Variants in MASP2 observed in about 807,000 individuals in gnomAD.
MASP2 encodes the protein MBL associated serine protease 2.
In MASP2, 49 loss-of-function variants were observed where a neutral mutation model predicts 57.1. The observed-to-expected ratio is 0.86, with a 90% CI of 0.68 to 1.09. MASP2 has a LOEUF of 1.09. Among genes scored for constraint, MASP2 ranks in the 50% least tolerant of loss-of-function variants. MASP2 has a pLI of 0.00. For missense variants in MASP2, 900 were observed against 874.8 expected, an observed-to-expected ratio of 1.03 and a Z score of -0.36; for synonymous variants, 379 against 340.8, an observed-to-expected ratio of 1.11 and a Z score of -1.24.
chr1:11,032,283 T>G (rs1643858953), intron 8 of MASP2, among the ~76,000 whole-genome samples: 1 of 152,118 alleles, frequency 6.6e-6, no homozygotes, highest in Admixed American at 6.5e-5. Flanking sequence ...CTCACACATG[T>G]GAATTGTGTG....
At chr1:11,039,330 GTGGATGGATGGA>G (rs57562185) in intron 6 of MASP2, among the ~76,000 whole-genome samples, 94,582 of 146,876 alleles carry the variant, frequency 0.64, 32,129 homozygotes, top group East Asian at 0.79. Flanking sequence ...TGGAAGGATG[GTGGATGGATGGA>G]TGGATGGATG....
intron 4 of MASP2, among the ~76,000 whole-genome samples, chr1:11,044,464 C>G (rs1364987923): frequency 6.6e-6 from 1 of 152,158 alleles, no homozygotes; most frequent in Non-Finnish European, 1.5e-5. Context: ...GTGGGAATCA[C>G]CCCTGGATTT....
At chr1:11,044,008 G>C (rs989212803) in intron 4 of MASP2, among the ~76,000 whole-genome samples, 3 of 152,090 alleles carry the variant, frequency 2.0e-5, no homozygotes, top group Non-Finnish European at 2.9e-5. Flanking sequence ...GCATCTCCTC[G>C]AGCCTAAGGG....
intron 8 of MASP2, among the ~76,000 whole-genome samples, chr1:11,032,272 G>T (rs1273020135): frequency 6.6e-6 from 1 of 152,078 alleles, no homozygotes; most frequent in Non-Finnish European, 1.5e-5. Flanking sequence ...GTGTATACTT[G>T]CTCACACATG....
intron 4 of MASP2, chr1:11,045,159 C>T: frequency 1.3e-6 from 1 of 753,804 alleles, no homozygotes; most frequent in Non-Finnish European, 2.3e-6. Flanking sequence ...GTTCCCAGAG[C>T]CCAGGTGGAA....
chr1:11,028,725 T>G (rs796184130), intron 10 of MASP2, among the ~76,000 whole-genome samples: 1,658 of 150,246 alleles, frequency 0.011, 52 homozygotes, highest in African/African-American at 0.035. Flanking sequence ...TTTTTTTTTT[T>G]TTTTTTGAGA....
chr1:11,045,329 T>C, intron 4 of MASP2, 79 bp downstream of exon 4: 1 of 1,602,110 alleles, frequency 6.2e-7, no homozygotes. Context: ...TCCGCACCCC[T>C]GGGCAGAGCA....
Position 11,047,237 on chromosome 1 carries a change from T to G in MASP2, c.-30A>C, listed in dbSNP as rs1422631897. 6.4e-7 allele frequency: 1 copy of G among 1,552,418 alleles called. No homozygotes were observed. Among genetic ancestry groups the G allele is most frequent in the South Asian group, 1.2e-5 (1 of 84,634 alleles). ...TGCCCGTCCAGCTGGCCTGGCCTGGTCTGCAGCCCTACGCTGGTCTCACCT... is the reference window on the plus strand; with the variant it reads ...TGCCCGTCCAGCTGGCCTGGCCTGGGCTGCAGCCCTACGCTGGTCTCACCT... On this transcript the variant is annotated 5_prime_UTR_variant, in exon 1 of 11. Transcript: ENST00000400897.
rs1357501535 is a variant in MASP2, at chr1:11,027,602, C to G, written c.1344G>C (p.Gly448=). ...ARTTGGRIYG[G]QKAKPGDFPW... is the part of the protein sequence containing the mutation. ...GAAAATCACCAGGTTTTGCCTTTTG[C>G]CCTCCATATATACGCCCTCCTGTTG... The change falls in exon 11 of 11, where the codon GGG becomes GGC. Residue 448 remains glycine (G), a synonymous_variant. Coordinates refer to ENST00000400897, the MANE Select transcript of MASP2 (RefSeq NM_006610.4). The G allele has an allele frequency of 6.2e-7, 1 of 1,613,924 alleles. No individual in the cohort carries two copies.
At chr1:11,042,647 G>A (rs1570753476) in intron 6 of MASP2, among the ~76,000 whole-genome samples, 1 of 151,960 alleles carries the variant, frequency 6.6e-6, no homozygotes, top group Non-Finnish European at 1.5e-5. Flanking sequence ...GGGTGAATGG[G>A]TGGTTGGAAG....
intron 10 of MASP2, 49 bp downstream of exon 10, chr1:11,030,127 G>A: frequency 7.2e-7 from 1 of 1,381,156 alleles, no homozygotes; most frequent in Non-Finnish European, 1.0e-6. Context: ...CTCCTACCCA[G>A]TCCTCCTTTC....
chr1:11,033,945 ACACACACACACACACACACACT>A (rs1234115417), intron 8 of MASP2, among the ~76,000 whole-genome samples: 19 of 50,908 alleles, frequency 3.7e-4, no homozygotes, highest in African/African-American at 1.3e-3. Context: ...ACACACACAC[ACACACACACACACACACACACT>A]CTCTCTCTCT....
intron 3 of MASP2, 185 bp from the exon 4 acceptor site, chr1:11,045,724 C>A (rs1638618458): frequency 4.9e-6 from 3 of 614,874 alleles, no homozygotes; most frequent in African/African-American, 1.8e-5. Context: ...CTCCCAGCAG[C>A]GCTGGGAGAA....
At chr1:11,033,176 A>G (rs1248387562) in intron 8 of MASP2, among the ~76,000 whole-genome samples, 1 of 151,880 alleles carries the variant, frequency 6.6e-6, no homozygotes, top group Non-Finnish European at 1.5e-5. Context: ...TAAAAATACA[A>G]AATTAGCCGG....
In MASP2 at chr1:11,037,676, A is replaced by C; in HGVS notation, c.1008+17T>G. 6.8e-7 allele frequency: 1 copy of C among 1,480,852 alleles called. No individual in the cohort carries two copies. Among genetic ancestry groups the C allele is most frequent in the Non-Finnish European group, 9.3e-7 (1 of 1,069,544 alleles). 91.7% of individuals were successfully genotyped at this position (1,480,852 alleles called of 1,614,324 possible). A position where few individuals can be genotyped will look rare whatever the true frequency, so the allele number is the denominator to read the frequency against. The stretch of plus-strand genomic sequence containing the variant: ...AAGCAATCGTCATTGATCGTGGTGT[A>C]CTTTGTTTTAACTCACTTGCAGAAG... On this transcript the variant is annotated intron_variant, in intron 7 of 10. Coordinates refer to ENST00000400897, the MANE Select transcript of MASP2 (RefSeq NM_006610.4).
intron 10 of MASP2, among the ~76,000 whole-genome samples, chr1:11,029,133 C>T (rs1221514903): frequency 6.7e-6 from 1 of 150,156 alleles, no homozygotes; most frequent in Non-Finnish European, 1.5e-5. Context: ...GCTGGGACTA[C>T]AGGCGCCTGC....
At chr1:11,030,414 A>G in intron 9 of MASP2, 164 bp from the exon 10 acceptor site, 3 of 603,802 alleles carry the variant, frequency 5.0e-6, no homozygotes, top group East Asian at 5.7e-5. Flanking sequence ...TCTCTGCATT[A>G]CCATGTTTGC....
chr1:11,046,587 G>T lies in MASP2; in HGVS notation c.381C>A (p.Phe127Leu). ...FRSDYSNEKP[F>L]TGFEAFYAAE... ...CTGCATAGAAGGCCTCGAACCCCGT[G>T]AACGGCTTCTCGTTGGAGTAGTCGG... is the stretch of plus-strand genomic sequence containing the variant. The change falls in exon 3 of 11, where the codon TTC becomes TTA. Residue 127 changes from phenylalanine to leucine, a missense_variant. Physicochemically the swap from Phe to Leu is conservative, Grantham distance 22. Coordinates refer to ENST00000400897, the MANE Select transcript of MASP2 (RefSeq NM_006610.4). The T allele has an allele frequency of 6.2e-7, 1 of 1,613,868 alleles. No homozygotes were observed. Among genetic ancestry groups the T allele is most frequent in the South Asian group, 1.1e-5 (1 of 91,070 alleles).
intron 3 of MASP2, 85 bp downstream of exon 3, chr1:11,046,471 A>G (rs777505326): frequency 1.0e-5 from 15 of 1,490,782 alleles, no homozygotes; most frequent in Middle Eastern, 1.7e-4. Context: ...GGGGAAACTG[A>G]AGGCAGGGCT....
Sources: allele counts gnomAD v4.1 joint callset (sites outside exome capture counted in the v4.1 genomes callset), GRCh38; gene constraint gnomAD v4.1.1; transcripts MANE v1.5; gene names NCBI Gene and HGNC (gene_info 2026-07-23, HGNC 2026-07-21).